Variants in SOX6 observed in about 807,000 individuals in gnomAD.
The protein encoded by SOX6 is SRY-box transcription factor 6.
A neutral mutation model predicts 97.8 loss-of-function variants in SOX6; 11 were observed. The ratio of observed to expected loss-of-function variants is 0.11; its 90% confidence interval spans 0.07 to 0.19. SOX6 has a LOEUF of 0.19. Among genes scored for constraint, SOX6 ranks in the 10% least tolerant of loss-of-function variants. SOX6 has a pLI of 1.00. For missense variants in SOX6, 810 were observed against 1,039.5 expected (o/e 0.78, Z 3.04); for synonymous variants, 360 against 371.4 (o/e 0.97, Z 0.35).
At chr11:16,227,440 GT>G (rs902406333) in intron 4 of SOX6, among the ~76,000 whole-genome samples, 6 of 142,170 alleles carry the variant, frequency 4.2e-5, no homozygotes, top group Non-Finnish European at 4.5e-5. Flanking sequence ...AATTTTTAAT[GT>G]TTTTTTTTTC....
chr11:16,710,398 G>A (rs964186991), intron 3 of SOX6, among the ~76,000 whole-genome samples: 19 of 152,148 alleles, frequency 1.2e-4, no homozygotes, highest in African/African-American at 4.3e-4. Flanking sequence ...AAGTGTTCAA[G>A]GTCATACAAC....
At chr11:16,390,328 C>A (rs571353335) in intron 1 of SOX6, among the ~76,000 whole-genome samples, 1 of 152,254 alleles carries the variant, frequency 6.6e-6, no homozygotes, top group African/African-American at 2.4e-5. Flanking sequence ...TACCCAGTTT[C>A]TTTCCCTGCA....
chr11:16,594,490 T>C (rs1848188096), intron 4 of SOX6, among the ~76,000 whole-genome samples: 1 of 152,076 alleles, frequency 6.6e-6, no homozygotes, highest in South Asian at 2.1e-4. Flanking sequence ...CATTGTGCAT[T>C]GTTATAGTGG....
intron 4 of SOX6, among the ~76,000 whole-genome samples, chr11:16,203,343 C>G (rs1167912729): frequency 2.6e-5 from 4 of 151,954 alleles, no homozygotes; most frequent in African/African-American, 9.7e-5. Context: ...AAAAGTAACT[C>G]AAGCATTACA....
At chr11:16,406,468 A>G (rs1365627464) in intron 1 of SOX6, among the ~76,000 whole-genome samples, 1 of 152,132 alleles carries the variant, frequency 6.6e-6, no homozygotes, top group Non-Finnish European at 1.5e-5. Context: ...GACAACTGGT[A>G]TAATTCAACT....
intron 1 of SOX6, among the ~76,000 whole-genome samples, chr11:16,469,271 C>A (rs953813054): frequency 6.6e-6 from 1 of 151,966 alleles, no homozygotes; most frequent in African/African-American, 2.4e-5. Flanking sequence ...TTCTAACTGG[C>A]CTTGTGCAAT....
At chr11:16,583,603 G>GTATATATATATATATA (rs1848051876) in intron 4 of SOX6, among the ~76,000 whole-genome samples, 1 of 22,672 alleles carries the variant, frequency 4.4e-5, no homozygotes, top group African/African-American at 1.8e-4. Flanking sequence ...GTATATATGT[G>GTATATATATATATATA]TATATATATA....
intron 1 of SOX6, among the ~76,000 whole-genome samples, chr11:16,369,372 T>C (rs1013480726): frequency 6.6e-6 from 1 of 152,158 alleles, no homozygotes. Flanking sequence ...TCTTTTTCTA[T>C]AGCATTCATA....
At chr11:16,011,236 T>C (rs1312374313) in intron 13 of SOX6, among the ~76,000 whole-genome samples, 1 of 152,096 alleles carries the variant, frequency 6.6e-6, no homozygotes. Flanking sequence ...ACTCAACTAA[T>C]CAAGCCCTCT....
At chr11:16,579,268 T>G (rs1848009522) in intron 4 of SOX6, among the ~76,000 whole-genome samples, 1 of 151,848 alleles carries the variant, frequency 6.6e-6, no homozygotes, top group Admixed American at 6.6e-5. Flanking sequence ...ATTTTATTAA[T>G]TAAAATTTTA....
At chr11:16,367,911 G>T (rs931827613) in intron 1 of SOX6, among the ~76,000 whole-genome samples, 1 of 151,602 alleles carries the variant, frequency 6.6e-6, no homozygotes, top group Non-Finnish European at 1.5e-5. Context: ...ATCATCAGTG[G>T]GTTCTTGGAA....
At chr11:16,057,820 T>G (rs1590166010) in intron 9 of SOX6, among the ~76,000 whole-genome samples, 1 of 152,298 alleles carries the variant, frequency 6.6e-6, no homozygotes, top group African/African-American at 2.4e-5. Context: ...TATTGATATG[T>G]TGCCTTCCTA....
chr11:16,456,809 G>A (rs1022703340), intron 1 of SOX6, among the ~76,000 whole-genome samples: 22 of 152,078 alleles, frequency 1.4e-4, no homozygotes, highest in African/African-American at 4.6e-4. Flanking sequence ...TTTTCCTCCA[G>A]TGAAGAAATA....
At chr11:16,435,885 A>C (rs1035833755) in intron 1 of SOX6, among the ~76,000 whole-genome samples, 14 of 151,970 alleles carry the variant, frequency 9.2e-5, no homozygotes, top group African/African-American at 3.4e-4. Flanking sequence ...ATTCCAAAAA[A>C]AGACCCTTCC....
At chr11:16,291,229 T>TTATATA (rs10529279) in intron 3 of SOX6, among the ~76,000 whole-genome samples, 20 of 143,600 alleles carry the variant, frequency 1.4e-4, no homozygotes, top group African/African-American at 5.0e-4. Flanking sequence ...TTCTATAAAT[T>TTATATA]TATATATATA....
intron 2 of SOX6, among the ~76,000 whole-genome samples, chr11:16,719,880 C>G (rs1001352515): frequency 7.9e-5 from 12 of 152,068 alleles, no homozygotes; most frequent in Non-Finnish European, 1.5e-4. Context: ...TGCACCCCAG[C>G]CTGGGCAACA....
At position 16,100,409 on chromosome 11, in the gene SOX6, T is replaced by C. The variant is rs1848914340; in HGVS notation, c.899-2721A>G. Among the ~76,000 whole-genome samples, 2 of 151,778 alleles carry C rather than the reference T, an allele frequency of 1.3e-5. 1 individual carries two copies. The highest frequency in any genetic ancestry group is 4.1e-4 in the South Asian group (2 of 4,830). ...CCAATTTGAGAAATAATGTCCATTC[T>C]GTAAATCCATTTTCCAGCTTTCTAC... On this transcript the variant is annotated intron_variant, in intron 7 of 15. Transcript: ENST00000683767.
At chr11:16,515,106 C>T (rs1346848341) in intron 4 of SOX6, among the ~76,000 whole-genome samples, 1 of 149,498 alleles carries the variant, frequency 6.7e-6, no homozygotes, top group Non-Finnish European at 1.5e-5. Flanking sequence ...GTTCTAGATC[C>T]CTGAGGAATC....
Position 16,711,448 on chromosome 11 carries a change from C to T in SOX6, n.429+3382G>A, listed in dbSNP as rs114156721. 7.1e-3 allele frequency among the ~76,000 whole-genome samples: 1,084 copies of T among 152,224 alleles called. 14 individuals carry two copies. Among genetic ancestry groups the T allele is most frequent in the African/African-American group, 0.024 (979 of 41,538 alleles). On this transcript the variant is annotated intron_variant and non_coding_transcript_variant, in intron 3 of 5. Transcript: ENST00000524520. ...GGAGATGGGAGGATCACTTGAGCCT[C>T]GGAGGTGGAAGCTCCAGTTAGCTGT...
Sources: gnomAD v4.1 joint callset for allele counts (sites outside exome capture counted in the v4.1 genomes callset) on GRCh38, gnomAD v4.1.1 for gene constraint, MANE v1.5 for transcripts, NCBI Gene and HGNC (gene_info 2026-07-23, HGNC 2026-07-21) for gene names.